CDH13: variants seen among roughly 807,000 people sequenced by gnomAD.
CDH13 encodes cadherin-13.
Under a neutral mutation model 63.8 loss-of-function variants are expected in CDH13, and 24 were observed. The observed-to-expected ratio is 0.38, with a 90% CI of 0.27 to 0.53. The LOEUF (loss-of-function observed/expected upper bound fraction) is 0.53. CDH13 is among the 20% of genes least tolerant of loss of function. The pLI is 0.85. For missense variants in CDH13, 1,049 were observed against 903.1 expected, an observed-to-expected ratio of 1.16 and a Z score of -2.07; for synonymous variants, 503 against 355.3, an observed-to-expected ratio of 1.42 and a Z score of -4.67.
At chr16:82,964,114 A>G (rs535283626) in intron 2 of CDH13, among the ~76,000 whole-genome samples, 20 of 152,270 alleles carry the variant, frequency 1.3e-4, no homozygotes, top group Non-Finnish European at 2.5e-4. Flanking sequence ...GCACACGCCA[A>G]AGAGAAAAAG....
chr16:82,906,686 C>G (rs989136272), intron 2 of CDH13, among the ~76,000 whole-genome samples: 1 of 152,106 alleles, frequency 6.6e-6, no homozygotes, highest in East Asian at 1.9e-4. Flanking sequence ...TCTCACAGTT[C>G]TAGTGGTTAG....
intron 6 of CDH13, among the ~76,000 whole-genome samples, chr16:83,403,440 G>A (rs1042781591): frequency 7.9e-5 from 12 of 152,080 alleles, no homozygotes; most frequent in Admixed American, 2.6e-4. Flanking sequence ...TGGCTAACAC[G>A]GTGAAACCCC....
intron 10 of CDH13, among the ~76,000 whole-genome samples, chr16:83,716,459 AT>A (rs1165472849): frequency 6.6e-6 from 1 of 152,040 alleles, no homozygotes. Context: ...CCAGTCATTA[AT>A]CCCCACTCTG....
intron 7 of CDH13, among the ~76,000 whole-genome samples, chr16:83,539,132 AC>A (rs1315317119): frequency 4.6e-5 from 7 of 152,126 alleles, no homozygotes; most frequent in African/African-American, 1.7e-4. Context: ...GTGGTCCCCA[AC>A]CTTTCTTGGC....
chr16:82,957,111 C>T (rs1906236349), intron 2 of CDH13, among the ~76,000 whole-genome samples: 1 of 152,146 alleles, frequency 6.6e-6, no homozygotes, highest in African/African-American at 2.4e-5. Flanking sequence ...CCACCACATC[C>T]ACATTCTATC....
At chr16:82,715,772 TG>T (rs1440863603) in intron 1 of CDH13, among the ~76,000 whole-genome samples, 1 of 152,248 alleles carries the variant, frequency 6.6e-6, no homozygotes, top group Non-Finnish European at 1.5e-5. Context: ...GCAGCGATGA[TG>T]GGGTTTTTTC....
At chr16:83,595,646 TGA>T (rs1300887796) in intron 7 of CDH13, among the ~76,000 whole-genome samples, 8 of 152,268 alleles carry the variant, frequency 5.3e-5, no homozygotes, top group African/African-American at 1.9e-4. Context: ...ATAGAAAGTG[TGA>T]GAGGTTACAT....
At chr16:83,107,999 T>A (rs556870299) in intron 3 of CDH13, among the ~76,000 whole-genome samples, 22 of 152,156 alleles carry the variant, frequency 1.4e-4, no homozygotes, top group African/African-American at 5.3e-4. Context: ...ATTTTTGTAT[T>A]TTTAGTAGAG....
intron 8 of CDH13, among the ~76,000 whole-genome samples, chr16:83,652,843 C>T (rs973014996): frequency 6.6e-6 from 1 of 152,188 alleles, no homozygotes; most frequent in Non-Finnish European, 1.5e-5. Flanking sequence ...CCAAAACTTG[C>T]AGATGTGAAC....
Position 83,300,596 on chromosome 16 carries a change from C to G in CDH13, c.637-44266C>G, listed in dbSNP as rs79599868. 2.4e-3 allele frequency among the ~76,000 whole-genome samples: 361 copies of G among 152,326 alleles called. 1 individual carries two copies. Among genetic ancestry groups the G allele is most frequent in the African/African-American group, 8.4e-3 (349 of 41,578 alleles). On this transcript the variant is annotated intron_variant, in intron 5 of 13. Coordinates refer to ENST00000567109, the MANE Select transcript of CDH13 (RefSeq NM_001257.5). ...TGCTTGGCACCATGCCAGGCAGGGT[C>G]TGGGGACGCAGTGTTGGACAACATG...
intron 11 of CDH13, among the ~76,000 whole-genome samples, chr16:83,772,638 T>A (rs1025589939): frequency 1.3e-5 from 2 of 152,216 alleles, no homozygotes; most frequent in Non-Finnish European, 2.9e-5. Flanking sequence ...AATCAAGCCA[T>A]GTTTAAAGCA....
At chr16:83,779,898 C>A in intron 11 of CDH13, 70 bp from the exon 12 acceptor site, 1 of 1,012,774 alleles carries the variant, frequency 9.9e-7, no homozygotes, top group Non-Finnish European at 1.5e-6. Context: ...GTTTACAATG[C>A]AAAAAGTGCT....
chr16:82,682,346 ATAGAG>A (rs1334049751), intron 1 of CDH13, among the ~76,000 whole-genome samples: 2 of 152,216 alleles, frequency 1.3e-5, no homozygotes, highest in Non-Finnish European at 2.9e-5. Flanking sequence ...CTAATGCAGA[ATAGAG>A]TAGAAAGTTT....
intron 3 of CDH13, among the ~76,000 whole-genome samples, chr16:83,115,136 C>G (rs767252451): frequency 2.6e-5 from 4 of 152,300 alleles, no homozygotes; most frequent in Admixed American, 6.5e-5. Flanking sequence ...AAAAGGTAGT[C>G]TCCAGCAGCA....
chr16:82,861,049 C>G (rs956182668), intron 2 of CDH13, among the ~76,000 whole-genome samples: 2 of 152,184 alleles, frequency 1.3e-5, no homozygotes, highest in Non-Finnish European at 2.9e-5. Flanking sequence ...GAAGACTCTA[C>G]TGGCACAAGG....
At chr16:82,675,588 T>C (rs1271262068) in intron 1 of CDH13, among the ~76,000 whole-genome samples, 1 of 152,224 alleles carries the variant, frequency 6.6e-6, no homozygotes, top group Non-Finnish European at 1.5e-5. Context: ...TGGTTAAAGA[T>C]GCTTTTCTAA....
intron 3 of CDH13, among the ~76,000 whole-genome samples, chr16:83,045,347 G>C (rs991178219): frequency 4.6e-5 from 7 of 152,102 alleles, no homozygotes; most frequent in Non-Finnish European, 8.8e-5. Context: ...CTCTCTGTAA[G>C]AGATGGGTTG....
chr16:82,895,136 C>T (rs912560826), intron 2 of CDH13, among the ~76,000 whole-genome samples: 1 of 152,216 alleles, frequency 6.6e-6, no homozygotes, highest in Non-Finnish European at 1.5e-5. Flanking sequence ...CAATCACCAC[C>T]TCTACCTAGT....
At chr16:82,812,162 C>G (rs1055413495) in intron 1 of CDH13, among the ~76,000 whole-genome samples, 2 of 152,112 alleles carry the variant, frequency 1.3e-5, no homozygotes, top group Non-Finnish European at 2.9e-5. Context: ...AACAGACTGC[C>G]TTTAGAAACT....
Sources: gnomAD v4.1 joint callset for allele counts (sites outside exome capture counted in the v4.1 genomes callset) on GRCh38, gnomAD v4.1.1 for gene constraint, MANE v1.5 for transcripts, NCBI Gene and HGNC (gene_info 2026-07-23, HGNC 2026-07-21) for gene names.